ELP4: variants seen among roughly 807,000 people sequenced by gnomAD.
The protein encoded by ELP4 is elongator acetyltransferase complex subunit 4.
ELP4 carries 51 observed loss-of-function variants against 48.9 expected under a neutral mutation model. The ratio of observed to expected loss-of-function variants is 1.04; its 90% confidence interval spans 0.83 to 1.32. The LOEUF (loss-of-function observed/expected upper bound fraction) is 1.32, where lower values mean the gene tolerates loss of function less well. Among genes scored for constraint, ELP4 ranks in the 40% most tolerant of loss-of-function variants. The pLI, the probability that ELP4 is intolerant of heterozygous loss-of-function variation, is 0.00. For synonymous variants in ELP4, 210 were observed against 189.2 expected (o/e 1.11, Z -0.90); for missense variants, 519 against 514.6 (o/e 1.01, Z -0.08).
chr11:31,703,479 ACTTTG>A (rs528736864), intron 9 of ELP4, among the ~76,000 whole-genome samples: 98 of 152,328 alleles, frequency 6.4e-4, no homozygotes, highest in African/African-American at 2.3e-3. Flanking sequence ...TAATCTATAT[ACTTTG>A]CTTCATTTAT....
At chr11:31,729,323 G>T (rs1947136760) in intron 9 of ELP4, among the ~76,000 whole-genome samples, 1 of 152,234 alleles carries the variant, frequency 6.6e-6, no homozygotes, top group East Asian at 1.9e-4. Context: ...TAGTATCTAT[G>T]TACTAACTTA....
At chr11:31,543,017 G>C (rs1424873751) in intron 3 of ELP4, among the ~76,000 whole-genome samples, 1 of 152,120 alleles carries the variant, frequency 6.6e-6, no homozygotes, top group Non-Finnish European at 1.5e-5. Flanking sequence ...AAATACACTT[G>C]AGGTGCAAAG....
chr11:31,516,371 C>T (rs777070982), intron 1 of ELP4, among the ~76,000 whole-genome samples: 9 of 152,098 alleles, frequency 5.9e-5, no homozygotes, highest in South Asian at 2.1e-4. Flanking sequence ...TTTATTTCTG[C>T]ATTTAAGGGA....
In ELP4 at chr11:31,647,836, T is replaced by G. The variant is rs1945237259; in HGVS notation, c.1023T>G (p.Tyr341Ter). The G allele has an allele frequency of 1.0e-5, 16 of 1,591,464 alleles. No homozygotes were observed. The highest frequency in any genetic ancestry group is 1.4e-5 in the Non-Finnish European group (16 of 1,160,504). ...CTGAGAGAGAAACTAACCCATTGTA[T>G]AAGGATTATCATGGTAAGTACAACC... ...IGSERETNPLYKDYHGLIHIR... is the reference protein window; with the variant it reads ...IGSERETNPL The change falls in exon 8 of 10, where the codon TAT (tyrosine) becomes TAG (stop). Residue 341 changes from tyrosine (Y) to a stop codon, truncating the protein, a stop_gained. Transcript: ENST00000640961. LOFTEE classifies it high-confidence loss of function.
At chr11:31,559,755 T>C (rs767275147) in intron 3 of ELP4, among the ~76,000 whole-genome samples, 16 of 151,910 alleles carry the variant, frequency 1.1e-4, no homozygotes, top group Non-Finnish European at 1.9e-4. Flanking sequence ...CATATAAAAT[T>C]AGCCAGGCAT....
chr11:31,692,105 T>C (rs554496470), intron 9 of ELP4, among the ~76,000 whole-genome samples: 1 of 152,262 alleles, frequency 6.6e-6, no homozygotes, highest in South Asian at 2.1e-4. Flanking sequence ...TACTCAGAAG[T>C]CCAATAAAGA....
At chr11:31,510,735 T>A (rs982715895) in intron 1 of ELP4, 12 of 196,024 alleles carry the variant, frequency 6.1e-5, no homozygotes, top group East Asian at 6.0e-4. Context: ...TCTTAGGCTT[T>A]CCTTTAAAAT....
chr11:31,740,622 A>AGAATATGAGT (rs1156926328), intron 9 of ELP4, among the ~76,000 whole-genome samples: 76 of 152,376 alleles, frequency 5.0e-4, no homozygotes, highest in African/African-American at 1.7e-3. Flanking sequence ...TGAGTTGAAT[A>AGAATATGAGT]GAATATGAGT....
rs143704171 is a variant in ELP4, at chr11:31,672,154, T to C, written c.1143+21933T>C. Among the ~76,000 whole-genome samples the C allele has an allele frequency of 4.2e-3, 634 of 152,264 alleles. 1 individual carries two copies. Among genetic ancestry groups the C allele is most frequent in the Non-Finnish European group, 6.6e-3 (451 of 68,008 alleles). On this transcript the variant is annotated intron_variant, in intron 9 of 9. Transcript: ENST00000640961. ...CTCTGGATACCCCCTGTAAAGACACTCCCTGGCTTTTACCAGCTTACCATC... is the reference window on the plus strand; with the variant it reads ...CTCTGGATACCCCCTGTAAAGACACCCCCTGGCTTTTACCAGCTTACCATC...
intron 3 of ELP4, among the ~76,000 whole-genome samples, chr11:31,582,017 G>T (rs1363543669): frequency 1.3e-5 from 2 of 152,104 alleles, no homozygotes; most frequent in Non-Finnish European, 2.9e-5. Flanking sequence ...GCCTCCCAAA[G>T]TGCTGGGATT....
chr11:31,642,882 T>G (rs998028017), intron 7 of ELP4, among the ~76,000 whole-genome samples: 7 of 151,850 alleles, frequency 4.6e-5, no homozygotes, highest in Non-Finnish European at 1.0e-4. Flanking sequence ...TAACTTTTTA[T>G]TATTTCACAG....
At chr11:31,666,205 C>T (rs1156705145) in intron 9 of ELP4, among the ~76,000 whole-genome samples, 1 of 151,644 alleles carries the variant, frequency 6.6e-6, no homozygotes, top group Non-Finnish European at 1.5e-5. Context: ...GACAAGGTTT[C>T]ACCATGTTAT....
chr11:31,544,202 CCTCA>C (rs1164137909), intron 3 of ELP4, among the ~76,000 whole-genome samples: 1 of 152,236 alleles, frequency 6.6e-6, no homozygotes, highest in African/African-American at 2.4e-5. Flanking sequence ...CGAGGCATTG[CCTCA>C]CTCGGGAAGC....
Position 31,623,200 on chromosome 11 carries a change from T to G in ELP4, c.654-3910T>G, listed in dbSNP as rs1944658378. 2.0e-5 allele frequency among the ~76,000 whole-genome samples: 3 copies of G among 150,380 alleles called. No individual in the cohort carries two copies. In the South Asian group the frequency reaches 6.2e-4, roughly 31 times the overall value. On this transcript the variant is annotated intron_variant, in intron 5 of 9. Transcript: ENST00000640961. ...GGAAACATTAATAAAGAAGCCAGGA[T>G]CATATTTTTAACTGGGTTTACTTCT...
chr11:31,719,575 A>T (rs1349320785), intron 9 of ELP4: 1 of 398,006 alleles, frequency 2.5e-6, no homozygotes, highest in African/African-American at 2.1e-5. Flanking sequence ...CACAAGTATT[A>T]TCTGATACAT....
At chr11:31,636,485 G>T (rs1337222337) in intron 7 of ELP4, among the ~76,000 whole-genome samples, 2 of 151,852 alleles carry the variant, frequency 1.3e-5, no homozygotes, top group Non-Finnish European at 2.9e-5. Flanking sequence ...TGTCAGACTT[G>T]TATAGTAATG....
Position 31,727,081 on chromosome 11 carries a change from G to A in ELP4, c.1144-56312G>A, listed in dbSNP as rs574916646. On this transcript the variant is annotated intron_variant, in intron 9 of 9. Coordinates refer to ENST00000640961, the MANE Select transcript of ELP4 (RefSeq NM_019040.5). The stretch of plus-strand genomic sequence containing the variant: ...GTCATCTCTGGGAATGTAGCCTTAA[G>A]AAACATCACTATCTATGGACAGTAT... Among the ~76,000 whole-genome samples the A allele has an allele frequency of 4.0e-5, 6 of 151,584 alleles. No homozygotes were observed. The East Asian group carries it at 1.2e-3, about 29-fold the overall frequency.
At chr11:31,690,082 T>C (rs1321387672) in intron 9 of ELP4, among the ~76,000 whole-genome samples, 1 of 152,190 alleles carries the variant, frequency 6.6e-6, no homozygotes, top group Non-Finnish European at 1.5e-5. Context: ...CTTAGATTAA[T>C]TCCTTCAGAA....
intron 9 of ELP4, among the ~76,000 whole-genome samples, chr11:31,666,985 TTACAACCA>T (rs1373197548): frequency 6.6e-6 from 1 of 152,194 alleles, no homozygotes; most frequent in Non-Finnish European, 1.5e-5. Flanking sequence ...AGGGTAGTTT[TTACAACCA>T]GCATGGAGGA....
Sources: gnomAD v4.1 joint callset for allele counts (sites outside exome capture counted in the v4.1 genomes callset) on GRCh38, gnomAD v4.1.1 for gene constraint, MANE v1.5 for transcripts, NCBI Gene and HGNC (gene_info 2026-07-23, HGNC 2026-07-21) for gene names.